ZNF516: variants seen among roughly 807,000 people sequenced by gnomAD.
ZNF516 encodes the protein zinc finger protein 516.
In ZNF516, 19 loss-of-function variants were observed where a neutral mutation model predicts 79.7. The ratio of observed to expected loss-of-function variants is 0.24; its 90% CI spans 0.17 to 0.35. The LOEUF is 0.35. Among genes scored for constraint, ZNF516 ranks in the 10% least tolerant of loss-of-function variants. ZNF516 has a pLI of 1.00. For missense variants in ZNF516, 1,678 were observed against 1,679.5 expected (o/e 1.00, Z 0.02); for synonymous variants, 877 against 739.5 (o/e 1.19, Z -3.02).
At chr18:76,462,667 T>C (rs1303061148) in intron 2 of ZNF516, among the ~76,000 whole-genome samples, 1 of 152,114 alleles carries the variant, frequency 6.6e-6, no homozygotes, top group Non-Finnish European at 1.5e-5. Flanking sequence ...GTCTTACTCA[T>C]ATGCAAGCTA....
At chr18:76,419,519 G>A (rs1049013623) in intron 3 of ZNF516, among the ~76,000 whole-genome samples, 8 of 152,124 alleles carry the variant, frequency 5.3e-5, no homozygotes, top group African/African-American at 1.7e-4. Context: ...ATCCGGCTGC[G>A]TCCCCACCCA....
intron 1 of ZNF516, among the ~76,000 whole-genome samples, chr18:76,478,741 T>G (rs979835287): frequency 1.3e-5 from 2 of 152,188 alleles, no homozygotes; most frequent in Non-Finnish European, 2.9e-5. Context: ...AATGCTTACA[T>G]TTGCAGCTTT....
chr18:76,377,305 A>C (rs1459448155), intron 4 of ZNF516, among the ~76,000 whole-genome samples: 2 of 152,260 alleles, frequency 1.3e-5, no homozygotes, highest in Non-Finnish European at 2.9e-5. Flanking sequence ...GTCCGGGCCT[A>C]CGGCCTCATC....
intron 1 of ZNF516, 62 bp downstream of exon 1, chr18:76,495,082 C>A (rs1018153371): frequency 1.3e-5 from 2 of 149,798 alleles, no homozygotes; most frequent in Admixed American, 1.3e-4. Flanking sequence ...GCTCCGGGCC[C>A]CGCGCCCACC....
intron 2 of ZNF516, among the ~76,000 whole-genome samples, chr18:76,456,752 T>TGGGGGGGGGGGGGGG (rs5826456): frequency 5.1e-5 from 6 of 117,714 alleles, no homozygotes; most frequent in Non-Finnish European, 7.1e-5. Flanking sequence ...GGCTGGGGGG[T>TGGGGGGGGGGGGGGG]GGGGGGGGGC....
intron 3 of ZNF516, among the ~76,000 whole-genome samples, chr18:76,434,817 G>C (rs1012903165): frequency 6.6e-6 from 1 of 152,248 alleles, no homozygotes; most frequent in African/African-American, 2.4e-5. Context: ...AGGAAACAGA[G>C]CAAGGACAGC....
chr18:76,466,234 C>T (rs892523707), intron 1 of ZNF516, among the ~76,000 whole-genome samples: 13 of 152,022 alleles, frequency 8.6e-5, no homozygotes, highest in South Asian at 2.1e-4. Context: ...TTCTCACAGA[C>T]GGACTCCATC....
intron 3 of ZNF516, among the ~76,000 whole-genome samples, chr18:76,438,324 T>C (rs918081451): frequency 4.6e-5 from 7 of 152,246 alleles, no homozygotes; most frequent in Admixed American, 3.3e-4. Context: ...CGTTTTTCCT[T>C]AGTGATGGTT....
Position 76,441,924 on chromosome 18 carries a change from C to T in ZNF516, c.1131G>A (p.Ser377=), listed in dbSNP as rs1409471328. 11 of 1,606,216 alleles carry T rather than the reference C, an allele frequency of 6.8e-6. No homozygotes were observed. Among genetic ancestry groups the T allele is most frequent in the Non-Finnish European group, 9.3e-6 (11 of 1,178,416 alleles). ...ACTGGAGGAAGAACTGCTTGGTGTC[C>T]GAGGGCCCCTCCGCCCCCTCCTCGG... ...APAEEGAEGP[S]DTKQFFLQCL... Residue 377 remains serine (S), a synonymous_variant, in exon 3 of 7, where the codon TCG becomes TCA. Transcript: ENST00000443185.
At chr18:76,400,265 G>A (rs1427206657) in intron 3 of ZNF516, among the ~76,000 whole-genome samples, 1 of 152,186 alleles carries the variant, frequency 6.6e-6, no homozygotes, top group Non-Finnish European at 1.5e-5. Context: ...GAGCAGGCGA[G>A]GCTCACGGTG....
intron 3 of ZNF516, among the ~76,000 whole-genome samples, chr18:76,408,238 C>T (rs1439675713): frequency 2.0e-5 from 3 of 152,304 alleles, no homozygotes; most frequent in South Asian, 2.1e-4. Context: ...TCACTATGAC[C>T]TCCCCGCTGT....
chr18:76,446,436 C>T (rs1786501889), intron 2 of ZNF516, among the ~76,000 whole-genome samples: 1 of 152,236 alleles, frequency 6.6e-6, no homozygotes, highest in Admixed American at 6.5e-5. Flanking sequence ...AGCACAGCCT[C>T]GGCATCCTGG....
chr18:76,395,691 C>T (rs562439554), intron 3 of ZNF516, among the ~76,000 whole-genome samples: 1 of 151,884 alleles, frequency 6.6e-6, no homozygotes, highest in African/African-American at 2.4e-5. Flanking sequence ...GGCTGGAGGC[C>T]ACGCATTCTA....
rs1234796742 is a variant in ZNF516 at position 76,441,511 on chromosome 18, G to A, written c.1544C>T (p.Ser515Phe). The A allele has an allele frequency of 6.3e-7, 1 of 1,590,014 alleles. No individual in the cohort carries two copies. The highest frequency in any genetic ancestry group is 8.5e-7 in the Non-Finnish European group (1 of 1,170,116). The change falls in exon 3 of 7, where the codon TCC becomes TTC. Residue 515 changes from serine (S) to phenylalanine (F), a missense_variant. Coordinates refer to ENST00000443185, the MANE Select transcript of ZNF516 (RefSeq NM_014643.4). ...GATCTTGCCGCACTCGAAGCACTCG[G>A]AGGACTTGCCCTGGCCGGTGGTGGC... is the stretch of plus-strand genomic sequence containing the variant. ...AAATTGQGKS[S>F]ECFECGKIFR...
At chr18:76,450,905 T>C (rs2145609334) in intron 2 of ZNF516, among the ~76,000 whole-genome samples, 1 of 152,300 alleles carries the variant, frequency 6.6e-6, no homozygotes, top group Non-Finnish European at 1.5e-5. Context: ...TGTACTGATT[T>C]CCCTACAACT....
intron 2 of ZNF516, among the ~76,000 whole-genome samples, chr18:76,454,372 A>G (rs1356693037): frequency 1.3e-5 from 2 of 152,256 alleles, no homozygotes; most frequent in African/African-American, 2.4e-5. Context: ...ATTACTTAAG[A>G]TTTTGTTTAT....
chr18:76,488,294 A>C (rs1914949839), intron 1 of ZNF516: 1 of 977,188 alleles, frequency 1.0e-6, no homozygotes, highest in East Asian at 1.1e-4. Flanking sequence ...AGCCATTAAC[A>C]ATGCTGGAAG....
At chr18:76,421,999 T>A (rs1278628962) in intron 3 of ZNF516, among the ~76,000 whole-genome samples, 3 of 152,218 alleles carry the variant, frequency 2.0e-5, no homozygotes, top group African/African-American at 7.2e-5. Flanking sequence ...AGAAATTAAA[T>A]AATGCACCAG....
intron 3 of ZNF516, 60 bp from the exon 4 acceptor site, chr18:76,380,363 A>C: frequency 4.5e-6 from 7 of 1,572,742 alleles, no homozygotes; most frequent in Non-Finnish European, 6.0e-6. Flanking sequence ...ACAGCAAGAC[A>C]CACGGTGCGT....
Sources: allele counts gnomAD v4.1 joint callset (sites outside exome capture counted in the v4.1 genomes callset), GRCh38; gene constraint gnomAD v4.1.1; transcripts MANE v1.5; gene names NCBI Gene and HGNC (gene_info 2026-07-23, HGNC 2026-07-21).